Variants in RELN observed in about 807,000 individuals in gnomAD.
The protein encoded by RELN is reelin.
In RELN, 108 loss-of-function variants were observed where a neutral mutation model predicts 427.6. The ratio of observed to expected loss-of-function variants is 0.25; its 90% CI spans 0.22 to 0.30. The LOEUF is 0.30. Among genes scored for constraint, RELN ranks in the 10% least tolerant of loss-of-function variants. RELN has a pLI of 1.00. For synonymous variants in RELN, 1,524 were observed against 1,513.4 expected, an observed-to-expected ratio of 1.01 and a Z score of -0.16; for missense variants, 3,715 against 4,302.8, an observed-to-expected ratio of 0.86 and a Z score of 3.82.
At chr7:103,909,879 T>A (rs116100093) in intron 2 of RELN, among the ~76,000 whole-genome samples, 9 of 128,868 alleles carry the variant, frequency 7.0e-5, no homozygotes, top group African/African-American at 3.3e-4. Context: ...TATACTCCTA[T>A]CTACCTAAAC....
At chr7:103,526,479 G>A (rs1287502844) in intron 46 of RELN, among the ~76,000 whole-genome samples, 1 of 152,154 alleles carries the variant, frequency 6.6e-6, no homozygotes, top group African/African-American at 2.4e-5. Context: ...TGATTTTTAA[G>A]GCCCCTTCTT....
chr7:103,674,028 T>C (rs1187091734), intron 11 of RELN, among the ~76,000 whole-genome samples: 1 of 152,168 alleles, frequency 6.6e-6, no homozygotes, highest in Non-Finnish European at 1.5e-5. Flanking sequence ...ATGTATTCCT[T>C]CTGGCTTCTT....
At chr7:103,946,281 T>C (rs1370673817) in intron 1 of RELN, among the ~76,000 whole-genome samples, 1 of 152,196 alleles carries the variant, frequency 6.6e-6, no homozygotes, top group African/African-American at 2.4e-5. Flanking sequence ...ATTAAAACTA[T>C]GCAAACTTAA....
chr7:103,833,147 T>G (rs1793315770), intron 3 of RELN, among the ~76,000 whole-genome samples: 1 of 152,186 alleles, frequency 6.6e-6, no homozygotes, highest in South Asian at 2.1e-4. Flanking sequence ...AATTTTGAGA[T>G]ATGCAATACA....
chr7:103,478,255 C>T, intron 64 of RELN, 134 bp downstream of exon 64: 1 of 615,114 alleles, frequency 1.6e-6, no homozygotes, highest in East Asian at 2.8e-5. Flanking sequence ...ATACCAGTAT[C>T]ATTTATTACT....
intron 3 of RELN, among the ~76,000 whole-genome samples, chr7:103,798,526 G>A (rs1486636647): frequency 1.3e-5 from 2 of 152,048 alleles, no homozygotes; most frequent in Admixed American, 6.6e-5. Flanking sequence ...AGAATATAGC[G>A]GTTTGGCCTG....
In RELN at chr7:103,694,015, T is replaced by C. The variant is rs554844299; in HGVS notation, c.1143+3838A>G. The stretch of plus-strand genomic sequence containing the variant: ...TTGAAAACAAAATCAGCTGTTACGA[T>C]GTGGAAGAAAGGGAAGCAAACAGTG... On this transcript the variant is annotated intron_variant, in intron 10 of 64. Coordinates refer to ENST00000428762, the MANE Select transcript of RELN (RefSeq NM_005045.4). 8.5e-5 allele frequency among the ~76,000 whole-genome samples: 13 copies of C among 152,236 alleles called. No individual in the cohort carries two copies. In the South Asian group the frequency reaches 2.3e-3, roughly 27 times the overall value.
chr7:103,535,843 GAT>G (rs1830037794), intron 45 of RELN, among the ~76,000 whole-genome samples: 2 of 152,014 alleles, frequency 1.3e-5, no homozygotes, highest in South Asian at 2.1e-4. Context: ...TAATTGGTAA[GAT>G]ATATTTGTAA....
In RELN at chr7:103,540,328, T is replaced by C; in HGVS notation, c.6799A>G (p.Ser2267Gly). 2 of 1,614,164 alleles carry C rather than the reference T, an allele frequency of 1.2e-6. No individual in the cohort carries two copies. The highest frequency in any genetic ancestry group is 1.7e-6 in the Non-Finnish European group (2 of 1,180,028). Residue 2267 changes from serine to glycine, a missense_variant, in exon 44 of 65, where the codon AGC (serine) becomes GGC (glycine). Ser to Gly is a moderately conservative substitution (Grantham distance 56). Around this residue, in one of 4 missense-constraint regions of RELN, gnomAD observed 1,310 missense variants for 1,643.0 expected, o/e 0.80. Coordinates refer to ENST00000428762, the MANE Select transcript of RELN (RefSeq NM_005045.4). ...TACCTGCCCACATTGCTGGAATTGC[T>C]GAAAAGGAACTCCTGAAGAAGACTC... ...SWSLLQEFLFSNSSNVGRYIA... is the reference protein window; with the variant it reads ...SWSLLQEFLFGNSSNVGRYIA...
At chr7:103,743,196 A>C (rs1790716688) in intron 6 of RELN, among the ~76,000 whole-genome samples, 3 of 152,298 alleles carry the variant, frequency 2.0e-5, no homozygotes, top group Admixed American at 6.5e-5. Flanking sequence ...AAAATACTTT[A>C]CAGACAAGCA....
chr7:103,801,519 A>G (rs1471204741), intron 3 of RELN, among the ~76,000 whole-genome samples: 1 of 151,930 alleles, frequency 6.6e-6, no homozygotes, highest in Non-Finnish European at 1.5e-5. Context: ...TCATAGGTGG[A>G]AACTCAACAA....
intron 2 of RELN, among the ~76,000 whole-genome samples, chr7:103,910,203 GCTCT>G (rs1179110052): frequency 7.7e-6 from 1 of 130,174 alleles, no homozygotes; most frequent in East Asian, 2.2e-4. Context: ...TCATGATTTG[GCTCT>G]CTGTTTGTCT....
chr7:103,711,888 G>C (rs1370708166), intron 8 of RELN, among the ~76,000 whole-genome samples: 1 of 151,926 alleles, frequency 6.6e-6, no homozygotes, highest in Non-Finnish European at 1.5e-5. Flanking sequence ...CAAACTCCTG[G>C]GCTCAAGTGA....
At chr7:103,880,609 T>C (rs902935035) in intron 2 of RELN, among the ~76,000 whole-genome samples, 9 of 152,336 alleles carry the variant, frequency 5.9e-5, no homozygotes, top group African/African-American at 1.9e-4. Context: ...CTTAGCTGTA[T>C]GGCCTGGAAC....
At chr7:103,752,954 T>C (rs763095495) in intron 5 of RELN, among the ~76,000 whole-genome samples, 21 of 152,150 alleles carry the variant, frequency 1.4e-4, no homozygotes, top group Non-Finnish European at 2.9e-4. Context: ...CTGAGGGTAC[T>C]AACAGGTGTG....
chr7:103,753,209 T>C lies in RELN; in HGVS notation c.550A>G (p.Thr184Ala). Residue 184 changes from threonine to alanine, a missense_variant, in exon 5 of 65, where the codon ACA becomes GCA. Thr to Ala is a moderately conservative substitution (Grantham distance 58, BLOSUM62 0). Around this residue, in one of 4 missense-constraint regions of RELN, gnomAD observed 2,208 missense variants for 2,361.7 expected, o/e 0.93. Coordinates refer to ENST00000428762, the MANE Select transcript of RELN (RefSeq NM_005045.4). ...AGATGTGGGTGCACAGTGACATCTG[T>C]TGGAGCTGAATCAAGAGAGGAAAGA... is the stretch of plus-strand genomic sequence containing the variant. ...AQQLCEQGAP[T>A]DVTVHPHLAE... The C allele has an allele frequency of 6.2e-7, 1 of 1,614,006 alleles. No homozygotes were observed. Among genetic ancestry groups the C allele is most frequent in the Non-Finnish European group, 8.5e-7 (1 of 1,179,956 alleles).
At chr7:103,877,697 GT>G (rs1364557059) in intron 2 of RELN, among the ~76,000 whole-genome samples, 1 of 151,850 alleles carries the variant, frequency 6.6e-6, no homozygotes, top group African/African-American at 2.4e-5. Flanking sequence ...TCTGACTCTA[GT>G]TTTTTTCTCA....
intron 12 of RELN, among the ~76,000 whole-genome samples, chr7:103,654,800 G>A (rs1832992027): frequency 6.6e-6 from 1 of 151,944 alleles, no homozygotes; most frequent in South Asian, 2.1e-4. Flanking sequence ...TTATAGTCAT[G>A]GAAAACAATA....
chr7:103,745,190 A>G (rs1790785825), intron 6 of RELN, among the ~76,000 whole-genome samples: 1 of 152,158 alleles, frequency 6.6e-6, no homozygotes, highest in Non-Finnish European at 1.5e-5. Flanking sequence ...ATAGATGCAG[A>G]AAAGGCCTTT....
Sources: allele counts gnomAD v4.1 joint callset (sites outside exome capture counted in the v4.1 genomes callset), GRCh38; gene constraint gnomAD v4.1.1; regional missense constraint gnomAD v4.1.1; transcripts MANE v1.5; gene names NCBI Gene and HGNC (gene_info 2026-07-23, HGNC 2026-07-21).